The following CEP128 variants were observed in gnomAD, a reference collection of about 807,000 sequenced individuals.
The protein encoded by CEP128 is centrosomal protein 128kDa.
A neutral mutation model predicts 156.7 loss-of-function variants in CEP128; 132 were observed. The observed-to-expected ratio is 0.84, with a 90% CI of 0.73 to 0.97. The LOEUF (loss-of-function observed/expected upper bound fraction) is 0.97, where lower values mean the gene tolerates loss of function less well. Ranked by LOEUF, CEP128 falls within the 50% of genes least tolerant of loss-of-function variation. The probability of loss-of-function intolerance (pLI) is 0.00; values close to 1 mark genes in which losing one functional copy is unlikely to be tolerated. For missense variants in CEP128, 1,252 were observed against 1,281.9 expected, an observed-to-expected ratio of 0.98 and a Z score of 0.36; for synonymous variants, 469 against 448.9, an observed-to-expected ratio of 1.04 and a Z score of -0.57.
At chr14:80,540,044 G>A (rs546669832) in intron 21 of CEP128, among the ~76,000 whole-genome samples, 14 of 152,228 alleles carry the variant, frequency 9.2e-5, no homozygotes, top group Admixed American at 4.6e-4. Flanking sequence ...TACATGCACC[G>A]TGCACCGCTG....
chr14:80,940,935 A>G (rs1425136420), intron 1 of CEP128, among the ~76,000 whole-genome samples: 1 of 152,228 alleles, frequency 6.6e-6, no homozygotes, highest in Non-Finnish European at 1.5e-5. Flanking sequence ...GATACTTTAC[A>G]TAATACTCAA....
rs138953286 is a variant in CEP128 at position 80,711,295 on chromosome 14, T to TTGTGTGTGTG, written c.2806+31770_2806+31779dup. ...CTAAAGACTGACATATAAGACTATG[T>TTGTGTGTGTG]TGTGTGTGTGTGTGTGTGTGTGTGT... is the stretch of plus-strand genomic sequence containing the variant. On this transcript the variant is annotated intron_variant, in intron 19 of 24. Coordinates refer to ENST00000555265, the MANE Select transcript of CEP128 (RefSeq NM_152446.5). 7.8e-3 allele frequency among the ~76,000 whole-genome samples: 1,136 copies of TTGTGTGTGTG among 145,824 alleles called. 16 individuals are homozygous for TTGTGTGTGTG. The highest frequency in any genetic ancestry group is 0.023 in the African/African-American group (917 of 39,126).
chr14:80,881,664 A>G (rs1408448873), intron 8 of CEP128, among the ~76,000 whole-genome samples: 1 of 152,220 alleles, frequency 6.6e-6, no homozygotes, highest in Non-Finnish European at 1.5e-5. Context: ...TACTGATGCA[A>G]AAACCCTCAA....
At chr14:80,858,165 C>G (rs559866897) in intron 9 of CEP128, among the ~76,000 whole-genome samples, 1 of 150,840 alleles carries the variant, frequency 6.6e-6, no homozygotes, top group Non-Finnish European at 1.5e-5. Context: ...GCTACAGTAA[C>G]CAAAACAGCA....
chr14:80,636,355 T>C (rs913956611), intron 19 of CEP128, among the ~76,000 whole-genome samples: 2 of 152,252 alleles, frequency 1.3e-5, no homozygotes, highest in East Asian at 1.9e-4. Context: ...CAAGTTGTTC[T>C]ATAGCATAAA....
rs181044921 is a variant in CEP128, at chr14:80,732,046, C to T, written c.2806+11029G>A. 5.7e-4 allele frequency among the ~76,000 whole-genome samples: 86 copies of T among 152,194 alleles called. 1 individual carries two copies. Among genetic ancestry groups the T allele is most frequent in the Middle Eastern group, 3.4e-3 (1 of 294 alleles). ...GAGGTAGGAGGGAAATCTGTGCCAT[C>T]CATTTATCCATCCACCCATCTATCC... On this transcript the variant is annotated intron_variant, in intron 19 of 24. Coordinates refer to ENST00000555265, the MANE Select transcript of CEP128 (RefSeq NM_152446.5).
chr14:80,781,202 C>T (rs1446395716), intron 15 of CEP128, among the ~76,000 whole-genome samples: 1 of 152,152 alleles, frequency 6.6e-6, no homozygotes, highest in Non-Finnish European at 1.5e-5. Context: ...TCATGCCTGT[C>T]ATCCCAGCAC....
intron 19 of CEP128, among the ~76,000 whole-genome samples, chr14:80,675,199 G>T (rs1482823773): frequency 6.6e-6 from 1 of 152,096 alleles, no homozygotes; most frequent in Non-Finnish European, 1.5e-5. Flanking sequence ...GCTATTCAAA[G>T]TGTGTTGATG....
chr14:80,849,865 T>C (rs1886798546), intron 9 of CEP128, among the ~76,000 whole-genome samples: 1 of 151,838 alleles, frequency 6.6e-6, no homozygotes, highest in Non-Finnish European at 1.5e-5. Context: ...AAATAACAAT[T>C]AGGAGAAAGA....
chr14:80,778,001 G>C lies in CEP128; in HGVS notation c.2257C>G (p.Gln753Glu). 1 of 1,613,380 alleles carries C rather than the reference G, an allele frequency of 6.2e-7. No homozygotes were observed. Among genetic ancestry groups the C allele is most frequent in the Non-Finnish European group, 8.5e-7 (1 of 1,179,844 alleles). Residue 753 changes from glutamine to glutamate, a missense_variant, in exon 16 of 25, where the codon CAG (glutamine) becomes GAG (glutamate). Coordinates refer to ENST00000555265, the MANE Select transcript of CEP128 (RefSeq NM_152446.5). Reference protein sequence around the residue: ...EKNMAKIHRGQLEKLKSQCDR... With the variant: ...EKNMAKIHRGELEKLKSQCDR... The stretch of plus-strand genomic sequence containing the variant: ...CACTGTGATTTCAACTTCTCCAGCT[G>C]ACCACGATGAATTTTAGCCATATTC...
chr14:80,521,542 G>C (rs1888746069), intron 23 of CEP128, among the ~76,000 whole-genome samples: 1 of 152,166 alleles, frequency 6.6e-6, no homozygotes, highest in South Asian at 2.1e-4. Flanking sequence ...TTGAAGAGCA[G>C]GATGAAATTG....
At chr14:80,791,101 G>C (rs1901682779) in intron 14 of CEP128, among the ~76,000 whole-genome samples, 1 of 152,074 alleles carries the variant, frequency 6.6e-6, no homozygotes, top group Non-Finnish European at 1.5e-5. Context: ...ATAATATTCA[G>C]TAATACATTT....
rs544954733 is a variant in CEP128 at position 80,497,652 on chromosome 14, G to A, written c.3182-70C>T. 3 of 941,888 alleles carry A rather than the reference G, an allele frequency of 3.2e-6. No individual in the cohort carries two copies. The South Asian group carries it at 4.3e-5, about 14-fold the overall frequency. 58.3% of individuals were successfully genotyped at this position (941,888 alleles called of 1,614,324 possible). A position where few individuals can be genotyped will look rare whatever the true frequency, so the allele number is the denominator to read the frequency against. On this transcript the variant is annotated intron_variant, in intron 24 of 24. Coordinates refer to ENST00000555265, the MANE Select transcript of CEP128 (RefSeq NM_152446.5). The stretch of plus-strand genomic sequence containing the variant: ...AAAACTGGCCTAAAAAATTAATTTT[G>A]CAGAAGGTAGTTAATGTATCATGGT...
chr14:80,632,724 T>G (rs1473332330), intron 19 of CEP128, among the ~76,000 whole-genome samples: 7 of 152,100 alleles, frequency 4.6e-5, no homozygotes, highest in Non-Finnish European at 7.4e-5. Context: ...AAATGGTGAC[T>G]ACTTATGTGC....
intron 23 of CEP128, among the ~76,000 whole-genome samples, chr14:80,508,169 G>GC (rs1314901754): frequency 1.3e-5 from 2 of 152,070 alleles, no homozygotes; most frequent in African/African-American, 2.4e-5. Context: ...ACCTGCCTTG[G>GC]CCCCCCAAAG....
In CEP128 at chr14:80,837,232, G is replaced by C. The variant is rs8022813; in HGVS notation, c.925-895C>G. Among the ~76,000 whole-genome samples, 907 of 152,278 alleles carry C rather than the reference G, an allele frequency of 6.0e-3. 9 individuals carry two copies. Among genetic ancestry groups the C allele is most frequent in the African/African-American group, 0.021 (870 of 41,556 alleles). ...TACCCTTAGCATATTCTGAAGGTGTGTTATATAACATACACTTCAAAACAG... is the reference window on the plus strand; with the variant it reads ...TACCCTTAGCATATTCTGAAGGTGTCTTATATAACATACACTTCAAAACAG... On this transcript the variant is annotated intron_variant, in intron 11 of 24. Coordinates refer to ENST00000555265, the MANE Select transcript of CEP128 (RefSeq NM_152446.5).
chr14:80,953,167 C>A (rs967049628), intron 2 of CEP128, among the ~76,000 whole-genome samples: 4 of 151,510 alleles, frequency 2.6e-5, no homozygotes, highest in African/African-American at 4.9e-5. Context: ...AATTAATTGC[C>A]CTCATACCAA....
chr14:80,655,806 G>A (rs915768998), intron 19 of CEP128, among the ~76,000 whole-genome samples: 1 of 152,168 alleles, frequency 6.6e-6, no homozygotes, highest in African/African-American at 2.4e-5. Context: ...AAATGGAAAA[G>A]AGATAAAGCC....
chr14:80,695,804 G>C (rs1012825112), intron 19 of CEP128, among the ~76,000 whole-genome samples: 4 of 151,814 alleles, frequency 2.6e-5, no homozygotes, highest in Non-Finnish European at 5.9e-5. Flanking sequence ...GAAAGTAGCA[G>C]TATTAATAGA....
Sources: gnomAD v4.1 joint callset for allele counts (sites outside exome capture counted in the v4.1 genomes callset) on GRCh38, gnomAD v4.1.1 for gene constraint, MANE v1.5 for transcripts, NCBI Gene and HGNC (gene_info 2026-07-23, HGNC 2026-07-21) for gene names.